The following SLC1A4 variants were observed in gnomAD, a reference collection of about 807,000 sequenced individuals.
SLC1A4 encodes solute carrier family 1 member 4.
In SLC1A4, 19 loss-of-function variants were observed where a neutral mutation model predicts 37.7. The ratio of observed to expected loss-of-function variants is 0.50; its 90% confidence interval spans 0.35 to 0.74. The LOEUF (loss-of-function observed/expected upper bound fraction) is 0.74. Among genes scored for constraint, SLC1A4 ranks in the 30% least tolerant of loss-of-function variants. The pLI, the probability that SLC1A4 is intolerant of heterozygous loss-of-function variation, is 0.01. For missense variants in SLC1A4, 570 were observed against 712.9 expected (o/e 0.80, Z 2.28); for synonymous variants, 299 against 309.8 (o/e 0.97, Z 0.37).
chr2:64,991,300 G>T (rs1673040236), intron 1 of SLC1A4, among the ~76,000 whole-genome samples: 1 of 151,230 alleles, frequency 6.6e-6, no homozygotes, highest in Admixed American at 6.6e-5. Flanking sequence ...AAAAATCTAG[G>T]ACATCCGTAT....
chr2:65,007,955 T>C (rs1040403633), intron 3 of SLC1A4, among the ~76,000 whole-genome samples: 15 of 152,218 alleles, frequency 9.9e-5, no homozygotes, highest in African/African-American at 3.6e-4. Context: ...TTTGTATCCA[T>C]TAATCAACTT....
rs187672698 is a variant in SLC1A4 at position 64,994,118 on chromosome 2, C to T, written c.527+3948C>T. Among the ~76,000 whole-genome samples the T allele has an allele frequency of 3.3e-3, 509 of 152,308 alleles. 3 individuals are homozygous for T. The highest frequency in any genetic ancestry group is 0.012 in the African/African-American group (483 of 41,566). On this transcript the variant is annotated intron_variant, in intron 1 of 7. Transcript: ENST00000234256. ...CAGTAACTGACTATGTTTTAGACTA[C>T]TAATTAATAGAGTCACACTATGGAA...
chr2:65,017,730 G>A (rs1247571605), intron 5 of SLC1A4, among the ~76,000 whole-genome samples: 3 of 152,144 alleles, frequency 2.0e-5, no homozygotes, highest in African/African-American at 7.3e-5. Context: ...GAACACTCAA[G>A]AGAGGAGATG....
Position 65,018,619 on chromosome 2 carries a change from TG to T in SLC1A4, c.1306del (p.Glu436ArgfsTer12). ...GGGGTCCTCACCATTGCCATTATCCTGGAGGCCATTGGGCTGCCTACTCATG... is the reference window on the plus strand; with the variant it reads ...GGGGTCCTCACCATTGCCATTATCCTGAGGCCATTGGGCTGCCTACTCATG... ...AGGVLTIAII[L>X]EAIGLPTHDL... On this transcript the variant is annotated frameshift_variant, in exon 7 of 8. Transcript: ENST00000234256. LOFTEE classifies it high-confidence loss of function. This position sits in a 1 kb window ranked among gnomAD's most constrained non-coding sequence, Gnocchi z 4.3. The T allele has an allele frequency of 6.2e-7, 1 of 1,614,238 alleles. No homozygotes were observed. The highest frequency in any genetic ancestry group is 8.5e-7 in the Non-Finnish European group (1 of 1,180,034).
chr2:65,016,622 T>C lies in SLC1A4; in HGVS notation c.983T>C (p.Phe328Ser), dbSNP rs781726519. Residue 328 changes from phenylalanine (F) to serine (S), a missense_variant, in exon 5 of 8, where the codon TTC becomes TCC. Transcript: ENST00000234256. ...TTCACACGAAAAAACCCATTCAGATTCCTCCTGGGCCTCCTCGCCCCATTT... is the reference window on the plus strand; with the variant it reads ...TTCACACGAAAAAACCCATTCAGATCCCTCCTGGGCCTCCTCGCCCCATTT... ...FVFTRKNPFRFLLGLLAPFAT... is the reference protein window; with the variant it reads ...FVFTRKNPFRSLLGLLAPFAT... The C allele has an allele frequency of 1.2e-6, 2 of 1,614,192 alleles. No individual in the cohort carries two copies. The highest frequency in any genetic ancestry group is 2.2e-5 in the South Asian group (2 of 91,086).
chr2:64,992,154 T>C (rs1673083226), intron 1 of SLC1A4, among the ~76,000 whole-genome samples: 1 of 152,206 alleles, frequency 6.6e-6, no homozygotes, highest in South Asian at 2.1e-4. Flanking sequence ...AAAGGATTAT[T>C]CTTTGCAGGG....
At chr2:64,995,075 A>G (rs1673200459) in intron 1 of SLC1A4, among the ~76,000 whole-genome samples, 1 of 152,150 alleles carries the variant, frequency 6.6e-6, no homozygotes, top group Non-Finnish European at 1.5e-5. Flanking sequence ...AGCAGCTTGT[A>G]ATTTTTTTTA....
chr2:64,996,775 T>C (rs1291284562), intron 1 of SLC1A4, among the ~76,000 whole-genome samples: 43 of 152,176 alleles, frequency 2.8e-4, no homozygotes, highest in Admixed American at 2.8e-3. Context: ...TTGGTGTCTC[T>C]ATGTGCTAAA....
In SLC1A4 at chr2:65,010,601, C is replaced by T; in HGVS notation, c.638C>T (p.Pro213Leu). Residue 213 changes from proline (P) to leucine (L), a missense_variant, in exon 4 of 8, where the codon CCC becomes CTC. By Grantham distance (98) the Pro-to-Leu change is moderately conservative. Coordinates refer to ENST00000234256, the MANE Select transcript of SLC1A4 (RefSeq NM_003038.5). ...SSGNVTHEKI[P>L]IGTEIEGMNI... ...CTATCCTCTCTGATCCTGCAGATCCCCATAGGCACTGAGATAGAAGGGATG... is the reference window on the plus strand; with the variant it reads ...CTATCCTCTCTGATCCTGCAGATCCTCATAGGCACTGAGATAGAAGGGATG... The T allele has an allele frequency of 6.2e-7, 1 of 1,607,376 alleles. No homozygotes were observed. Among genetic ancestry groups the T allele is most frequent in the Non-Finnish European group, 8.5e-7 (1 of 1,177,166 alleles).
intron 1 of SLC1A4, chr2:64,994,914 G>A (rs1453144258): frequency 2.0e-5 from 3 of 152,152 alleles, no homozygotes; most frequent in African/African-American, 4.8e-5. Flanking sequence ...TGAGGAGTGA[G>A]TTGTGAACAA....
At chr2:65,003,712 TCC>T (rs1052030871) in intron 2 of SLC1A4, among the ~76,000 whole-genome samples, 5 of 152,224 alleles carry the variant, frequency 3.3e-5, no homozygotes, top group African/African-American at 1.2e-4. Context: ...AAGGAAATTC[TCC>T]CTGTTTCCTT....
chr2:65,021,106 C>A lies in SLC1A4; in HGVS notation c.1559C>A (p.Ala520Asp), dbSNP rs1044548766. 4 of 1,614,082 alleles carry A rather than the reference C, an allele frequency of 2.5e-6. No individual in the cohort carries two copies. In the African/African-American group the frequency reaches 5.3e-5, roughly 22 times the overall value. Residue 520 changes from alanine (A) to aspartate (D), a missense_variant, in exon 8 of 8, where the codon GCC becomes GAC. Transcript: ENST00000234256. ...CACCAGAACCCCGCTGGCCCCGTGG[C>A]CAGTGCCCCAGAACTGGAATCCAAG... Reference protein sequence around the residue: ...VTHQNPAGPVASAPELESKES... With the variant: ...VTHQNPAGPVDSAPELESKES...
chr2:65,016,147 CCT>C (rs1392687745), intron 4 of SLC1A4, among the ~76,000 whole-genome samples: 2 of 152,130 alleles, frequency 1.3e-5, no homozygotes, highest in Admixed American at 6.6e-5. Context: ...CCTGGGAATC[CCT>C]GTGACTGGTA....
chr2:64,990,317 TG>T, intron 1 of SLC1A4, 147 bp downstream of exon 1: 1 of 853,978 alleles, frequency 1.2e-6, no homozygotes, highest in Non-Finnish European at 1.7e-6. Flanking sequence ...AATATCAAAA[TG>T]ACGTCTGGAG....
rs1039633465 is a variant in SLC1A4 at position 65,021,748 on chromosome 2, G to C, written c.*602G>C. 6.5e-6 allele frequency: 1 copy of C among 153,444 alleles called. No individual in the cohort carries two copies. The highest frequency in any genetic ancestry group is 1.4e-5 in the Non-Finnish European group (1 of 69,008). The allele number at this position is 153,444 out of a possible 1,614,324, so 9.5% of individuals were successfully genotyped here. On this transcript the variant is annotated 3_prime_UTR_variant, in exon 8 of 8. Transcript: ENST00000234256. ...GTCAAGTTAGAAATACTCCAGGTGG[G>C]TGTTAGCACTGTGGTGGTCTCTGGT...
intron 1 of SLC1A4, among the ~76,000 whole-genome samples, chr2:64,998,755 T>G (rs1335965695): frequency 6.6e-6 from 1 of 152,168 alleles, no homozygotes; most frequent in Non-Finnish European, 1.5e-5. Context: ...ACAAATAGTG[T>G]TGTGCTCTTT....
At position 64,989,790 on chromosome 2, in the gene SLC1A4, G is replaced by A. The variant is rs1007461738; in HGVS notation, c.147G>A (p.Val49=). The change falls in exon 1 of 8, where the codon GTG becomes GTA. Residue 49 remains valine, a synonymous_variant. Transcript: ENST00000234256. The stretch of plus-strand genomic sequence containing the variant: ...GCCAAGCGCTGGTGCTGCTCACCGT[G>A]TCCGGGGTGCTGGCGGGCGCGGGCC... ...LRRQALVLLT[V]SGVLAGAGLG... is the part of the protein sequence containing the mutation. The A allele has an allele frequency of 1.4e-5, 21 of 1,513,690 alleles. No homozygotes were observed. Among genetic ancestry groups the A allele is most frequent in the African/African-American group, 4.2e-5 (3 of 70,724 alleles). 93.8% of individuals were successfully genotyped at this position (1,513,690 alleles called of 1,614,324 possible).
Position 65,018,238 on chromosome 2 carries a change from T to C in SLC1A4, c.1202T>C (p.Leu401Pro), listed in dbSNP as rs1674246540. ...VFIAQLNNVE[L>P]NAGQIFTILV... is the part of the protein sequence containing the mutation. Reference sequence around the variant, plus strand: ...ATTGCGCAACTCAACAACGTAGAGCTCAACGCAGGACAGATTTTCACCATT... The same window carrying C: ...ATTGCGCAACTCAACAACGTAGAGCCCAACGCAGGACAGATTTTCACCATT... The change falls in exon 6 of 8, where the codon CTC (leucine) becomes CCC (proline). Residue 401 changes from leucine (L) to proline (P), a missense_variant. Physicochemically the swap from Leu to Pro is moderately conservative, Grantham distance 98 (BLOSUM62 -3). Coordinates refer to ENST00000234256, the MANE Select transcript of SLC1A4 (RefSeq NM_003038.5). The surrounding 1 kb of genome is among the most constrained non-coding windows in gnomAD (Gnocchi z 4.3). 2.5e-6 allele frequency: 4 copies of C among 1,614,146 alleles called. No individual in the cohort carries two copies. Among genetic ancestry groups the C allele is most frequent in the Non-Finnish European group, 3.4e-6 (4 of 1,179,990 alleles).
intron 2 of SLC1A4, among the ~76,000 whole-genome samples, chr2:65,001,712 C>G (rs992790361): frequency 2.0e-5 from 3 of 152,170 alleles, no homozygotes; most frequent in Non-Finnish European, 4.4e-5. Flanking sequence ...AAATGTCCCA[C>G]TGGTTCCAAA....
Sources: allele counts gnomAD v4.1 joint callset (sites outside exome capture counted in the v4.1 genomes callset), GRCh38; gene constraint gnomAD v4.1.1; non-coding constraint Gnocchi (gnomAD v3.1); transcripts MANE v1.5; gene names NCBI Gene and HGNC (gene_info 2026-07-23, HGNC 2026-07-21).